The following MYRIP variants were observed in gnomAD, a reference collection of about 807,000 sequenced individuals.
MYRIP encodes the protein rab effector MyRIP.
A neutral mutation model predicts 98.0 loss-of-function variants in MYRIP; 49 were observed. That is an observed-to-expected ratio of 0.50 (90% CI 0.40 to 0.63). MYRIP has a LOEUF of 0.63. Ranked by LOEUF, MYRIP falls within the 30% of genes least tolerant of loss-of-function variation. MYRIP has a pLI of 0.00. For missense variants in MYRIP, 1,004 were observed against 1,058.2 expected (o/e 0.95, Z 0.71); for synonymous variants, 404 against 409.5 (o/e 0.99, Z 0.16).
At chr3:39,906,367 C>T (rs565530189) in intron 2 of MYRIP, among the ~76,000 whole-genome samples, 1 of 152,268 alleles carries the variant, frequency 6.6e-6, no homozygotes, top group South Asian at 2.1e-4. Context: ...GTCTTGCCTA[C>T]TGAGAACATA....
At chr3:39,864,140 G>A (rs1009055280) in intron 1 of MYRIP, among the ~76,000 whole-genome samples, 1 of 152,046 alleles carries the variant, frequency 6.6e-6, no homozygotes, top group African/African-American at 2.4e-5. Context: ...GGCATTGAGG[G>A]AACATACTTC....
At chr3:40,034,360 TCAAA>T (rs1211113245) in intron 2 of MYRIP, among the ~76,000 whole-genome samples, 2 of 152,024 alleles carry the variant, frequency 1.3e-5, no homozygotes, top group Admixed American at 6.6e-5. Flanking sequence ...TTCAGTGAAC[TCAAA>T]CAAATTTACA....
chr3:40,207,162 T>C (rs2693477), intron 10 of MYRIP, among the ~76,000 whole-genome samples: 69,335 of 151,980 alleles, frequency 0.46, 16,751 homozygotes, highest in Non-Finnish European at 0.55. Flanking sequence ...CCAGGCCTGA[T>C]TTTTCCATAC....
chr3:39,877,754 TG>T (rs1032069000), intron 1 of MYRIP, among the ~76,000 whole-genome samples: 59 of 152,096 alleles, frequency 3.9e-4, no homozygotes, highest in Non-Finnish European at 1.5e-4. Flanking sequence ...CTGCCCCTAC[TG>T]GGGGGTACCT....
chr3:39,994,107 G>A (rs2034956), intron 2 of MYRIP, among the ~76,000 whole-genome samples: 30,701 of 152,170 alleles, frequency 0.2, 3,253 homozygotes, highest in Non-Finnish European at 0.24. Flanking sequence ...AGCTTCCAGC[G>A]TGAGCGATGC....
At position 40,001,096 on chromosome 3, in the gene MYRIP, A is replaced by G. The variant is rs369263853; in HGVS notation, c.111-42954A>G. On this transcript the variant is annotated intron_variant, in intron 2 of 16. Transcript: ENST00000302541. ...TAGTTATATTTTTGTTTTAATGTATATTAGAAAAAATTTAACAAGCATAAC... is the reference window on the plus strand; with the variant it reads ...TAGTTATATTTTTGTTTTAATGTATGTTAGAAAAAATTTAACAAGCATAAC... 1.4e-3 allele frequency among the ~76,000 whole-genome samples: 206 copies of G among 152,340 alleles called. 3 individuals are homozygous for G. In the South Asian group the frequency reaches 0.041, roughly 30 times the overall value.
At position 40,258,292 on chromosome 3, in the gene MYRIP, A is replaced by T; in HGVS notation, c.*126A>T. 9.0e-7 allele frequency: 1 copy of T among 1,116,046 alleles called. No homozygotes were observed. Among genetic ancestry groups the T allele is most frequent in the East Asian group, 2.4e-5 (1 of 42,206 alleles). The allele number at this position is 1,116,046 out of a possible 1,614,324, so 69.1% of individuals were successfully genotyped here. On this transcript the variant is annotated 3_prime_UTR_variant, in exon 17 of 17. Coordinates refer to ENST00000302541, the MANE Select transcript of MYRIP (RefSeq NM_015460.4). ...AGAAGGCCTGGGGAGGCCACAGTGCACCATTGCACAGGGCTGTCCTGATAC... is the reference window on the plus strand; with the variant it reads ...AGAAGGCCTGGGGAGGCCACAGTGCTCCATTGCACAGGGCTGTCCTGATAC...
chr3:39,927,599 C>G (rs149637088), intron 2 of MYRIP, among the ~76,000 whole-genome samples: 1 of 151,900 alleles, frequency 6.6e-6, no homozygotes, highest in South Asian at 2.1e-4. Flanking sequence ...GATTCACAGC[C>G]GAATTCTGCC....
At chr3:39,864,500 CCAA>C (rs1367986821) in intron 1 of MYRIP, among the ~76,000 whole-genome samples, 2 of 152,070 alleles carry the variant, frequency 1.3e-5, no homozygotes, top group Non-Finnish European at 2.9e-5. Flanking sequence ...TTCCTATACA[CCAA>C]CAACATCCAA....
At chr3:40,255,163 T>C (rs920099835) in intron 16 of MYRIP, among the ~76,000 whole-genome samples, 3 of 152,208 alleles carry the variant, frequency 2.0e-5, no homozygotes, top group African/African-American at 7.2e-5. Flanking sequence ...AAAGATGCAT[T>C]ATCACACTAA....
intron 11 of MYRIP, among the ~76,000 whole-genome samples, chr3:40,226,743 G>A (rs2125691899): frequency 6.6e-6 from 1 of 152,302 alleles, no homozygotes; most frequent in South Asian, 2.1e-4. Flanking sequence ...ATGAGGCAAG[G>A]CAAATGATGC....
chr3:39,974,634 G>A (rs1007929904), intron 2 of MYRIP, among the ~76,000 whole-genome samples: 1 of 152,094 alleles, frequency 6.6e-6, no homozygotes, highest in Non-Finnish European at 1.5e-5. Flanking sequence ...GATGAACATC[G>A]ATGCTAAAAT....
chr3:39,973,006 T>C (rs567743109), intron 2 of MYRIP, among the ~76,000 whole-genome samples: 2 of 152,210 alleles, frequency 1.3e-5, no homozygotes, highest in East Asian at 3.9e-4. Context: ...AGAGAATGTA[T>C]ATATGTGTGT....
rs1945914200 is a variant in MYRIP, at chr3:39,982,289, A to G, written c.111-61761A>G. The stretch of plus-strand genomic sequence containing the variant: ...GCTTTGTGGATGTAGCCATCCTTTC[A>G]CAGTCTGTGTCAGCAAAAGCCTCTG... On this transcript the variant is annotated intron_variant, in intron 2 of 16. Transcript: ENST00000302541. Among the ~76,000 whole-genome samples, 3 of 152,188 alleles carry G rather than the reference A, an allele frequency of 2.0e-5. No individual in the cohort carries two copies. The South Asian group carries it at 6.2e-4, about 32-fold the overall frequency.
chr3:40,212,339 A>C (rs1277780758), intron 11 of MYRIP, among the ~76,000 whole-genome samples: 1 of 149,464 alleles, frequency 6.7e-6, no homozygotes, highest in Non-Finnish European at 1.5e-5. Flanking sequence ...ACATATATAT[A>C]TAACTATATA....
intron 2 of MYRIP, among the ~76,000 whole-genome samples, chr3:39,960,118 A>T (rs1009269240): frequency 2.0e-5 from 3 of 152,094 alleles, no homozygotes; most frequent in Non-Finnish European, 4.4e-5. Context: ...AGTGGATGTG[A>T]CAGTGACTTG....
chr3:40,061,782 T>A (rs1948022848), intron 3 of MYRIP, among the ~76,000 whole-genome samples: 1 of 152,216 alleles, frequency 6.6e-6, no homozygotes, highest in South Asian at 2.1e-4. Context: ...TAACTTTTTA[T>A]AATAGCCATT....
At chr3:40,140,854 G>A (rs759738986) in intron 3 of MYRIP, among the ~76,000 whole-genome samples, 1 of 152,064 alleles carries the variant, frequency 6.6e-6, no homozygotes, top group Non-Finnish European at 1.5e-5. Flanking sequence ...TAATAATCAT[G>A]TCATGAAAAA....
chr3:39,905,997 G>A (rs974629457), intron 2 of MYRIP, among the ~76,000 whole-genome samples: 4 of 152,036 alleles, frequency 2.6e-5, no homozygotes, highest in African/African-American at 9.7e-5. Context: ...AGGATCCTGG[G>A]GAGCGTGCAG....
Sources: allele counts gnomAD v4.1 joint callset (sites outside exome capture counted in the v4.1 genomes callset), GRCh38; gene constraint gnomAD v4.1.1; transcripts MANE v1.5; gene names NCBI Gene and HGNC (gene_info 2026-07-23, HGNC 2026-07-21).